LRRTM4: variants seen among roughly 807,000 people sequenced by gnomAD.
LRRTM4 encodes leucine-rich repeat transmembrane neuronal protein 4.
Under a neutral mutation model 47.6 loss-of-function variants are expected in LRRTM4, and 25 were observed. The observed-to-expected ratio is 0.53, with a 90% CI of 0.38 to 0.73. LRRTM4 has a LOEUF of 0.73. Ranked by LOEUF, LRRTM4 falls within the 30% of genes least tolerant of loss-of-function variation. The pLI, the probability that LRRTM4 is intolerant of heterozygous loss-of-function variation, is 0.00. For synonymous variants in LRRTM4, 311 were observed against 269.5 expected, an observed-to-expected ratio of 1.15 and a Z score of -1.51; for missense variants, 638 against 713.4, an observed-to-expected ratio of 0.89 and a Z score of 1.20.
intron 3 of LRRTM4, among the ~76,000 whole-genome samples, chr2:77,423,910 G>C (rs6547143): frequency 2.0e-5 from 3 of 151,806 alleles, no homozygotes; most frequent in Non-Finnish European, 4.4e-5. Context: ...GGTACAATCA[G>C]TCACATTCCA....
chr2:76,882,072 A>G (rs1035398503), intron 3 of LRRTM4, among the ~76,000 whole-genome samples: 1 of 152,174 alleles, frequency 6.6e-6, no homozygotes, highest in African/African-American at 2.4e-5. Context: ...TCCTTTCTCC[A>G]TAACACTTAG....
At chr2:76,805,892 C>T (rs1675939299) in intron 3 of LRRTM4, among the ~76,000 whole-genome samples, 1 of 152,032 alleles carries the variant, frequency 6.6e-6, no homozygotes, top group Admixed American at 6.6e-5. Flanking sequence ...TGCTGTTTTC[C>T]CTTAGGCACA....
At chr2:77,053,690 T>C (rs1679513428) in intron 3 of LRRTM4, among the ~76,000 whole-genome samples, 1 of 152,124 alleles carries the variant, frequency 6.6e-6, no homozygotes, top group Non-Finnish European at 1.5e-5. Context: ...ATAGAATTAA[T>C]GAGTCTCTTT....
chr2:76,870,702 T>A (rs1249125120), intron 3 of LRRTM4, among the ~76,000 whole-genome samples: 1 of 152,184 alleles, frequency 6.6e-6, no homozygotes, highest in African/African-American at 2.4e-5. Flanking sequence ...CCCAAGTGAT[T>A]TTCTTCGGTA....
intron 3 of LRRTM4, among the ~76,000 whole-genome samples, chr2:77,024,308 A>G (rs952948019): frequency 3.9e-5 from 6 of 152,196 alleles, no homozygotes; most frequent in African/African-American, 1.4e-4. Flanking sequence ...GACTTTTTAG[A>G]TTCCACATGT....
chr2:76,785,021 A>G (rs559909578), intron 3 of LRRTM4, among the ~76,000 whole-genome samples: 14 of 152,236 alleles, frequency 9.2e-5, no homozygotes, highest in South Asian at 8.3e-4. Flanking sequence ...AAAACTTTCT[A>G]TAGTTGTCAC....
chr2:77,003,473 T>C (rs549598105), intron 3 of LRRTM4, among the ~76,000 whole-genome samples: 3 of 152,244 alleles, frequency 2.0e-5, no homozygotes, highest in Admixed American at 6.5e-5. Context: ...TTTCTTGTGA[T>C]AGTGAGTAAG....
intron 3 of LRRTM4, among the ~76,000 whole-genome samples, chr2:77,168,056 G>A (rs1466701537): frequency 2.6e-5 from 4 of 152,034 alleles, no homozygotes; most frequent in African/African-American, 9.7e-5. Flanking sequence ...ATATTTATTA[G>A]TTTTTGCAAT....
At chr2:76,932,079 A>C (rs909678289) in intron 3 of LRRTM4, among the ~76,000 whole-genome samples, 1 of 152,144 alleles carries the variant, frequency 6.6e-6, no homozygotes, top group Non-Finnish European at 1.5e-5. Flanking sequence ...TGCCCTTTCA[A>C]CGTGAATTTT....
intron 3 of LRRTM4, among the ~76,000 whole-genome samples, chr2:77,065,485 C>A (rs1679922040): frequency 6.6e-6 from 1 of 152,120 alleles, no homozygotes; most frequent in Admixed American, 6.6e-5. Context: ...GTAGAGGATG[C>A]TAAATACATG....
Position 76,983,034 on chromosome 2 carries a change from T to C in LRRTM4, c.1552-234118A>G, listed in dbSNP as rs950756564. ...ACATATCAAATTAAATAAAGACACATATTAAATACTCTCACTATAAATATT... is the reference window on the plus strand; with the variant it reads ...ACATATCAAATTAAATAAAGACACACATTAAATACTCTCACTATAAATATT... On this transcript the variant is annotated intron_variant, in intron 3 of 3. Transcript: ENST00000409884. 2.7e-5 allele frequency among the ~76,000 whole-genome samples: 4 copies of C among 150,760 alleles called. No homozygotes were observed. In the East Asian group the frequency reaches 7.8e-4, roughly 29 times the overall value.
intron 3 of LRRTM4, among the ~76,000 whole-genome samples, chr2:77,417,277 C>A (rs2103872934): frequency 1.3e-5 from 2 of 152,182 alleles, no homozygotes; most frequent in Admixed American, 1.3e-4. Context: ...AATAGGAACA[C>A]TTTTACACTG....
intron 3 of LRRTM4, among the ~76,000 whole-genome samples, chr2:77,098,230 T>C (rs1271392763): frequency 2.0e-5 from 3 of 152,022 alleles, no homozygotes. Flanking sequence ...ACTGTAAAAA[T>C]CAACTTGGGA....
intron 3 of LRRTM4, among the ~76,000 whole-genome samples, chr2:77,063,920 T>C (rs900509324): frequency 9.3e-5 from 14 of 150,534 alleles, no homozygotes; most frequent in Middle Eastern, 3.2e-3. Context: ...TGGCCTAGAT[T>C]TTTTTTTTGG....
chr2:76,819,206 T>C (rs1378529652), intron 3 of LRRTM4, among the ~76,000 whole-genome samples: 1 of 151,632 alleles, frequency 6.6e-6, no homozygotes, highest in African/African-American at 2.4e-5. Flanking sequence ...TTTATTGCCA[T>C]GTTATTATGT....
intron 3 of LRRTM4, among the ~76,000 whole-genome samples, chr2:77,040,878 C>G (rs1189855060): frequency 1.3e-5 from 2 of 151,294 alleles, no homozygotes; most frequent in Non-Finnish European, 3.0e-5. Context: ...GTGTAATTAT[C>G]AAATTAGGAT....
At chr2:76,794,048 C>A (rs888349447) in intron 3 of LRRTM4, among the ~76,000 whole-genome samples, 10 of 152,098 alleles carry the variant, frequency 6.6e-5, no homozygotes, top group African/African-American at 2.4e-4. Flanking sequence ...CTAGGGAAGT[C>A]CAACCAGGAA....
chr2:77,269,923 T>G (rs1676147951), intron 3 of LRRTM4, among the ~76,000 whole-genome samples: 1 of 152,234 alleles, frequency 6.6e-6, no homozygotes, highest in Non-Finnish European at 1.5e-5. Context: ...TGTTGCCTGG[T>G]AACTAAGTAA....
chr2:77,327,265 A>T (rs1248339355), intron 3 of LRRTM4, among the ~76,000 whole-genome samples: 1 of 152,236 alleles, frequency 6.6e-6, no homozygotes, highest in African/African-American at 2.4e-5. Flanking sequence ...TAAAAATGCT[A>T]TGATAGATTT....
Sources: gnomAD v4.1 joint callset for allele counts (sites outside exome capture counted in the v4.1 genomes callset) on GRCh38, gnomAD v4.1.1 for gene constraint, MANE v1.5 for transcripts, NCBI Gene and HGNC (gene_info 2026-07-23, HGNC 2026-07-21) for gene names.